Variants in GALNT17 observed in about 807,000 individuals in gnomAD.
The protein encoded by GALNT17 is polypeptide N-acetylgalactosaminyltransferase 17.
Under a neutral mutation model 63.7 loss-of-function variants are expected in GALNT17, and 29 were observed. The observed-to-expected ratio is 0.46, with a 90% CI of 0.34 to 0.62. The LOEUF (loss-of-function observed/expected upper bound fraction) is 0.62. Ranked by LOEUF, GALNT17 falls within the 20% of genes least tolerant of loss-of-function variation. The probability of loss-of-function intolerance (pLI) is 0.01; values close to 1 mark genes in which losing one functional copy is unlikely to be tolerated. For synonymous variants in GALNT17, 305 were observed against 318.3 expected (o/e 0.96, Z 0.45); for missense variants, 603 against 799.6 (o/e 0.75, Z 2.97).
chr7:71,323,962 G>A (rs1031033286), intron 1 of GALNT17, among the ~76,000 whole-genome samples: 134 of 152,298 alleles, frequency 8.8e-4, no homozygotes, highest in Non-Finnish European at 2.4e-4. Flanking sequence ...CTGACTTTCT[G>A]GGTTGGATAG....
chr7:71,408,983 T>C (rs1793381063), intron 3 of GALNT17, among the ~76,000 whole-genome samples: 1 of 150,088 alleles, frequency 6.7e-6, no homozygotes, highest in African/African-American at 2.5e-5. Context: ...TATATACATA[T>C]ATATACACAC....
intron 5 of GALNT17, among the ~76,000 whole-genome samples, chr7:71,498,484 C>T (rs1024455948): frequency 1.3e-5 from 2 of 151,804 alleles, no homozygotes; most frequent in African/African-American, 2.4e-5. Context: ...AAAGCAACAA[C>T]GAAAGAGAGA....
At chr7:71,475,784 C>G (rs1429367455) in intron 5 of GALNT17, among the ~76,000 whole-genome samples, 3 of 152,190 alleles carry the variant, frequency 2.0e-5, no homozygotes, top group Non-Finnish European at 4.4e-5. Context: ...GATGCATACT[C>G]TATAGAAACA....
intron 5 of GALNT17, among the ~76,000 whole-genome samples, chr7:71,551,174 T>G (rs4719147): frequency 0.64 from 97,101 of 151,924 alleles, 32,037 homozygotes; most frequent in Non-Finnish European, 0.72. Flanking sequence ...GCTTCATTCT[T>G]CATAGTTTCT....
intron 5 of GALNT17, among the ~76,000 whole-genome samples, chr7:71,564,788 A>G (rs1245883165): frequency 6.6e-6 from 1 of 152,146 alleles, no homozygotes; most frequent in Non-Finnish European, 1.5e-5. Context: ...TTGAAGGAAG[A>G]CATACCAAAT....
chr7:71,170,728 C>T (rs1275762849), intron 1 of GALNT17, among the ~76,000 whole-genome samples: 2 of 152,080 alleles, frequency 1.3e-5, no homozygotes, highest in Admixed American at 6.6e-5. Context: ...TATTTTAACA[C>T]TGGCAAAGGG....
intron 2 of GALNT17, among the ~76,000 whole-genome samples, chr7:71,339,441 C>G (rs909267240): frequency 1.3e-5 from 2 of 152,156 alleles, no homozygotes; most frequent in African/African-American, 4.8e-5. Context: ...AATCCTGGCA[C>G]TTTGGGAGGC....
chr7:71,614,114 AT>A (rs1554315752), intron 6 of GALNT17, among the ~76,000 whole-genome samples: 1 of 152,168 alleles, frequency 6.6e-6, no homozygotes, highest in Non-Finnish European at 1.5e-5. Flanking sequence ...CAAAGTTAGT[AT>A]TTCAAAACAA....
chr7:71,210,910 C>T (rs1443317086), intron 1 of GALNT17, among the ~76,000 whole-genome samples: 1 of 152,168 alleles, frequency 6.6e-6, no homozygotes, highest in African/African-American at 2.4e-5. Context: ...GTCAAATAAA[C>T]CCCACCGGCT....
chr7:71,587,824 A>G (rs1409297176), intron 6 of GALNT17, among the ~76,000 whole-genome samples: 2 of 152,230 alleles, frequency 1.3e-5, no homozygotes, highest in African/African-American at 4.8e-5. Flanking sequence ...AAAAATACTC[A>G]TAATGCCTGT....
intron 5 of GALNT17, among the ~76,000 whole-genome samples, chr7:71,422,395 AC>A (rs1362583337): frequency 6.6e-6 from 1 of 152,220 alleles, no homozygotes; most frequent in Non-Finnish European, 1.5e-5. Flanking sequence ...GAGATCCTTA[AC>A]TTAACAACAT....
At chr7:71,368,277 GGCT>G (rs1792552436) in intron 2 of GALNT17, among the ~76,000 whole-genome samples, 1 of 152,200 alleles carries the variant, frequency 6.6e-6, no homozygotes, top group Non-Finnish European at 1.5e-5. Flanking sequence ...TTTATAAGGT[GGCT>G]TCAGAACACC....
chr7:71,201,315 T>C (rs1789167351), intron 1 of GALNT17, among the ~76,000 whole-genome samples: 1 of 150,768 alleles, frequency 6.6e-6, no homozygotes, highest in Admixed American at 6.6e-5. Context: ...TTTCCAGTCA[T>C]ATTGGCTTTC....
chr7:71,222,669 A>G (rs1262618511), intron 1 of GALNT17, among the ~76,000 whole-genome samples: 1 of 152,110 alleles, frequency 6.6e-6, no homozygotes. Context: ...ACTGGCTTTT[A>G]TTCATGATTT....
chr7:71,141,651 G>A (rs1787893833), intron 1 of GALNT17, among the ~76,000 whole-genome samples: 1 of 151,492 alleles, frequency 6.6e-6, no homozygotes. Context: ...TAGGTACTCA[G>A]GAGATGTTTC....
At chr7:71,552,453 TTTTTTGAGATGGAG>T (rs1427828743) in intron 5 of GALNT17, among the ~76,000 whole-genome samples, 2 of 151,928 alleles carry the variant, frequency 1.3e-5, no homozygotes, top group Non-Finnish European at 2.9e-5. Flanking sequence ...TCTTTTTTTT[TTTTTTGAGATGGAG>T]TCTCACTCTG....
intron 5 of GALNT17, among the ~76,000 whole-genome samples, chr7:71,504,772 G>T (rs1055042581): frequency 1.3e-5 from 2 of 151,926 alleles, no homozygotes; most frequent in Non-Finnish European, 2.9e-5. Flanking sequence ...ATGGATTCAG[G>T]GCAGTGTCAG....
intron 1 of GALNT17, among the ~76,000 whole-genome samples, chr7:71,192,302 C>T (rs1007044713): frequency 6.6e-6 from 1 of 152,112 alleles, no homozygotes; most frequent in African/African-American, 2.4e-5. Context: ...TTGGCAACAC[C>T]CTCACAGACA....
intron 3 of GALNT17, among the ~76,000 whole-genome samples, chr7:71,389,557 T>C (rs1793012070): frequency 6.6e-6 from 1 of 152,126 alleles, no homozygotes. Context: ...AGCCACTCCC[T>C]GATGCCAAAA....
Sources: allele counts gnomAD v4.1 joint callset (sites outside exome capture counted in the v4.1 genomes callset), GRCh38; gene constraint gnomAD v4.1.1; transcripts MANE v1.5; gene names NCBI Gene and HGNC (gene_info 2026-07-23, HGNC 2026-07-21).